The following EXOC4 variants were observed in gnomAD, a reference collection of about 807,000 sequenced individuals.
EXOC4 encodes the protein exocyst complex component 4.
In EXOC4, 71 loss-of-function variants were observed where a neutral mutation model predicts 107.2. That is an observed-to-expected ratio of 0.66 (90% CI 0.55 to 0.81). The LOEUF (loss-of-function observed/expected upper bound fraction) is 0.81, where lower values mean the gene tolerates loss of function less well. Among genes scored for constraint, EXOC4 ranks in the 30% least tolerant of loss-of-function variants. The pLI, the probability that EXOC4 is intolerant of heterozygous loss-of-function variation, is 0.00. For synonymous variants in EXOC4, 456 were observed against 441.2 expected (o/e 1.03, Z -0.42); for missense variants, 1,108 against 1,189.6 (o/e 0.93, Z 1.01).
intron 7 of EXOC4, among the ~76,000 whole-genome samples, chr7:133,458,332 G>T (rs1798511249): frequency 6.6e-6 from 1 of 152,174 alleles, no homozygotes. Flanking sequence ...GCACTCCAAA[G>T]ACATGGTTTT....
chr7:133,610,373 A>G (rs1272312759), intron 9 of EXOC4, among the ~76,000 whole-genome samples: 1 of 152,208 alleles, frequency 6.6e-6, no homozygotes, highest in Non-Finnish European at 1.5e-5. Context: ...CTGAAGTTTC[A>G]GGGAAGAAAC....
chr7:133,665,537 T>C (rs1793792000), intron 10 of EXOC4, among the ~76,000 whole-genome samples: 1 of 152,174 alleles, frequency 6.6e-6, no homozygotes, highest in South Asian at 2.1e-4. Context: ...CCATGAACTA[T>C]TGAATGATCT....
intron 9 of EXOC4, among the ~76,000 whole-genome samples, chr7:133,558,189 C>CCCTTTTCTTT (rs1316934485): frequency 8.7e-6 from 1 of 114,362 alleles, no homozygotes. Context: ...TTGGTTCCTT[C>CCCTTTTCTTT]TCTTTTCTTT....
At chr7:133,486,053 T>C (rs1292606654) in intron 9 of EXOC4, among the ~76,000 whole-genome samples, 1 of 152,296 alleles carries the variant, frequency 6.6e-6, no homozygotes, top group East Asian at 1.9e-4. Context: ...GAGTGGCCTT[T>C]CTATAGCCCT....
chr7:133,833,625 C>G (rs548541940), intron 11 of EXOC4, among the ~76,000 whole-genome samples: 4 of 152,294 alleles, frequency 2.6e-5, no homozygotes, highest in African/African-American at 9.6e-5. Flanking sequence ...AGCAGTAGTA[C>G]AGTCATGGCT....
At chr7:133,388,506 C>T (rs140830544) in intron 7 of EXOC4, among the ~76,000 whole-genome samples, 43 of 151,970 alleles carry the variant, frequency 2.8e-4, no homozygotes, top group African/African-American at 1.0e-3. Flanking sequence ...AAAAATTAGC[C>T]AGGAATGGTG....
In EXOC4 at chr7:133,950,048, T is replaced by C. The variant is rs559367221; in HGVS notation, c.2206+11979T>C. Among the ~76,000 whole-genome samples, 25 of 152,284 alleles carry C rather than the reference T, an allele frequency of 1.6e-4. No homozygotes were observed. In the East Asian group the frequency reaches 4.2e-3, roughly 26 times the overall value. Reference sequence around the variant, plus strand: ...CCAATACATGTGTATGTATTCTCTATCTCTTTGGAACTCCCCATTCTGCTA... The same window carrying C: ...CCAATACATGTGTATGTATTCTCTACCTCTTTGGAACTCCCCATTCTGCTA... On this transcript the variant is annotated intron_variant, in intron 14 of 17. Transcript: ENST00000253861.
intron 2 of EXOC4, among the ~76,000 whole-genome samples, chr7:133,280,051 G>A (rs1009321406): frequency 6.6e-6 from 1 of 152,062 alleles, no homozygotes; most frequent in Non-Finnish European, 1.5e-5. Flanking sequence ...TCAAACTCCT[G>A]GGCTCAAGGG....
intron 3 of EXOC4, among the ~76,000 whole-genome samples, chr7:133,296,978 T>C (rs1794534290): frequency 6.6e-6 from 1 of 152,130 alleles, no homozygotes; most frequent in South Asian, 2.1e-4. Flanking sequence ...ATTGGAACTA[T>C]TGGTGTAGGG....
At chr7:133,400,222 T>C (rs921376851) in intron 7 of EXOC4, among the ~76,000 whole-genome samples, 31 of 152,216 alleles carry the variant, frequency 2.0e-4, no homozygotes, top group African/African-American at 7.2e-4. Context: ...TAATTTCAGC[T>C]ACTAAAGACC....
intron 17 of EXOC4, among the ~76,000 whole-genome samples, chr7:134,038,058 C>T (rs1585342492): frequency 6.6e-6 from 1 of 152,164 alleles, no homozygotes; most frequent in East Asian, 1.9e-4. Flanking sequence ...ATCTAGGCCC[C>T]CTATACCTAC....
chr7:133,988,692 G>A (rs2116220872), intron 14 of EXOC4, among the ~76,000 whole-genome samples: 1 of 152,224 alleles, frequency 6.6e-6, no homozygotes, highest in African/African-American at 2.4e-5. Flanking sequence ...TGAAAGAGGA[G>A]TAAGAGCCAT....
At chr7:133,348,642 C>T (rs1795840237) in intron 5 of EXOC4, among the ~76,000 whole-genome samples, 1 of 152,096 alleles carries the variant, frequency 6.6e-6, no homozygotes, top group African/African-American at 2.4e-5. Context: ...GTATTTCTAC[C>T]CGCAGTCCCC....
At position 133,604,710 on chromosome 7, in the gene EXOC4, C is replaced by CTT. The variant is rs61548710; in HGVS notation, c.1418-25305_1418-25304dup. Among the ~76,000 whole-genome samples the CTT allele has an allele frequency of 8.5e-3, 426 of 50,266 alleles. 19 individuals carry two copies. The highest frequency in any genetic ancestry group is 9.6e-3 in the Non-Finnish European group (279 of 28,978). 33.0% of individuals were successfully genotyped at this position (50,266 alleles called of 152,430 possible). On this transcript the variant is annotated intron_variant, in intron 9 of 17. Transcript: ENST00000253861. The stretch of plus-strand genomic sequence containing the variant: ...TCTTTCCTTCCTTCCTTCCTTCTTT[C>CTT]TTTTTTTTTTTTTTTTTTTTTTTTT...
chr7:133,724,659 G>A (rs534680838), intron 10 of EXOC4, among the ~76,000 whole-genome samples: 2 of 152,300 alleles, frequency 1.3e-5, no homozygotes, highest in South Asian at 4.1e-4. Flanking sequence ...TTGGTGACAA[G>A]CACCATGAAG....
chr7:133,684,331 A>G (rs540748147), intron 10 of EXOC4, among the ~76,000 whole-genome samples: 3 of 152,330 alleles, frequency 2.0e-5, no homozygotes, highest in East Asian at 3.9e-4. Context: ...TTCAAAATTG[A>G]TGGTTTAAAT....
intron 10 of EXOC4, among the ~76,000 whole-genome samples, chr7:133,749,955 G>GTTTTTTT (rs56902982): frequency 1.4e-4 from 9 of 62,106 alleles, no homozygotes; most frequent in Non-Finnish European, 2.4e-4. Flanking sequence ...GTGGTTGGCA[G>GTTTTTTT]TTTTTTTTTT....
rs59230142 is a variant in EXOC4, at chr7:133,471,412, CAA to C, written c.1183-3901_1183-3900del. Among the ~76,000 whole-genome samples the C allele has an allele frequency of 1.7e-3, 209 of 125,280 alleles. 1 individual carries two copies. Among genetic ancestry groups the C allele is most frequent in the East Asian group, 2.7e-3 (11 of 4,004 alleles). 82.2% of individuals were successfully genotyped at this position (125,280 alleles called of 152,430 possible). On this transcript the variant is annotated intron_variant, in intron 7 of 17. Coordinates refer to ENST00000253861, the MANE Select transcript of EXOC4 (RefSeq NM_021807.4). The stretch of plus-strand genomic sequence containing the variant: ...GGGTTACAAGAGCAAGACTTCATCT[CAA>C]AAAAAAAAAAAAAATCCCTTTACTA...
chr7:133,668,857 G>T (rs1169699485), intron 10 of EXOC4, among the ~76,000 whole-genome samples: 1 of 152,112 alleles, frequency 6.6e-6, no homozygotes, highest in African/African-American at 2.4e-5. Context: ...CAGCCTCCAG[G>T]GGTCACTGGT....
Sources: allele counts gnomAD v4.1 joint callset (sites outside exome capture counted in the v4.1 genomes callset), GRCh38; gene constraint gnomAD v4.1.1; transcripts MANE v1.5; gene names NCBI Gene and HGNC (gene_info 2026-07-23, HGNC 2026-07-21).